The following DGKI variants were observed in gnomAD, a reference collection of about 807,000 sequenced individuals.
DGKI encodes DAG kinase iota.
In DGKI, 55 loss-of-function variants were observed where a neutral mutation model predicts 147.5. The ratio of observed to expected loss-of-function variants is 0.37; its 90% confidence interval spans 0.30 to 0.47. DGKI has a LOEUF of 0.47. Among genes scored for constraint, DGKI ranks in the 20% least tolerant of loss-of-function variants. The pLI, the probability that DGKI is intolerant of heterozygous loss-of-function variation, is 1.00. For synonymous variants in DGKI, 469 were observed against 477.1 expected, an observed-to-expected ratio of 0.98 and a Z score of 0.22; for missense variants, 1,007 against 1,323.8, an observed-to-expected ratio of 0.76 and a Z score of 3.71.
At chr7:137,456,354 A>G (rs756871499) in intron 27 of DGKI, among the ~76,000 whole-genome samples, 3 of 152,222 alleles carry the variant, frequency 2.0e-5, no homozygotes, top group Non-Finnish European at 4.4e-5. Flanking sequence ...TTATAATTTG[A>G]TAAGTACTGG....
intron 1 of DGKI, among the ~76,000 whole-genome samples, chr7:137,824,705 C>T (rs913875745): frequency 1.6e-4 from 24 of 152,098 alleles, no homozygotes; most frequent in Admixed American, 1.6e-3. Context: ...CCTCTCCCTC[C>T]TCCCCGCCTC....
intron 12 of DGKI, among the ~76,000 whole-genome samples, chr7:137,588,350 T>TAC (rs1330558066): frequency 1.3e-5 from 2 of 152,098 alleles, no homozygotes; most frequent in Non-Finnish European, 2.9e-5. Context: ...TATTGAACAC[T>TAC]ACTTCATATA....
chr7:137,550,561 C>T (rs1818011802), intron 20 of DGKI, among the ~76,000 whole-genome samples: 2 of 149,836 alleles, frequency 1.3e-5, no homozygotes, highest in South Asian at 4.2e-4. Flanking sequence ...ATCATGTGTG[C>T]CTTGAGTACA....
At chr7:137,680,373 A>C (rs1441959934) in intron 2 of DGKI, among the ~76,000 whole-genome samples, 1 of 152,234 alleles carries the variant, frequency 6.6e-6, no homozygotes, top group African/African-American at 2.4e-5. Context: ...TCTATAGAAT[A>C]ATCATGTAAT....
chr7:137,713,369 C>T (rs1794275723), intron 1 of DGKI, among the ~76,000 whole-genome samples: 3 of 152,082 alleles, frequency 2.0e-5, no homozygotes, highest in South Asian at 2.1e-4. Flanking sequence ...TCTACCTTAA[C>T]CACAGGGAAA....
chr7:137,665,044 G>C (rs370892738), intron 3 of DGKI, among the ~76,000 whole-genome samples: 14 of 152,216 alleles, frequency 9.2e-5, no homozygotes, highest in African/African-American at 3.4e-4. Flanking sequence ...GAGGCATGAG[G>C]ATGTCAGGAT....
intron 28 of DGKI, among the ~76,000 whole-genome samples, chr7:137,441,215 T>C (rs1317320383): frequency 6.6e-6 from 1 of 151,762 alleles, no homozygotes; most frequent in African/African-American, 2.4e-5. Flanking sequence ...GGTCAGGAGA[T>C]CGAGACCATC....
At chr7:137,829,013 G>A (rs759240566) in intron 1 of DGKI, among the ~76,000 whole-genome samples, 3 of 152,178 alleles carry the variant, frequency 2.0e-5, no homozygotes, top group Non-Finnish European at 4.4e-5. Flanking sequence ...AATTGCTGGA[G>A]AAGCAATAAT....
intron 6 of DGKI, among the ~76,000 whole-genome samples, chr7:137,625,943 T>C (rs979991687): frequency 6.6e-6 from 1 of 152,114 alleles, no homozygotes; most frequent in African/African-American, 2.4e-5. Context: ...AGTGCTTATG[T>C]GAAAAGGCCT....
chr7:137,551,242 ACT>A (rs1289451348), intron 20 of DGKI, among the ~76,000 whole-genome samples: 1 of 152,094 alleles, frequency 6.6e-6, no homozygotes, highest in Admixed American at 6.5e-5. Flanking sequence ...AAGCTGGAAC[ACT>A]CTGAGAGCAC....
intron 10 of DGKI, among the ~76,000 whole-genome samples, chr7:137,601,660 G>A (rs908711506): frequency 2.6e-5 from 4 of 152,214 alleles, no homozygotes; most frequent in African/African-American, 7.2e-5. Flanking sequence ...TAACAGTCAC[G>A]TATCTAGCAC....
rs960266572 is a variant in DGKI at position 137,403,850 on chromosome 7, A to AT, written c.2920+4024dup. Among the ~76,000 whole-genome samples the AT allele has an allele frequency of 5.1e-3, 772 of 150,438 alleles. 4 individuals are homozygous for AT. Among genetic ancestry groups the AT allele is most frequent in the African/African-American group, 0.017 (718 of 41,112 alleles). On this transcript the variant is annotated intron_variant, in intron 30 of 32. Coordinates refer to ENST00000614521, the MANE Select transcript of DGKI (RefSeq NM_001321708.2). ...GCATAGTGTAAAATTTTTATTTGTT[A>AT]TTTTTTTTTTCATTTACATGAATTC...
At chr7:137,769,677 C>T (rs1178625393) in intron 1 of DGKI, among the ~76,000 whole-genome samples, 1 of 152,132 alleles carries the variant, frequency 6.6e-6, no homozygotes, top group African/African-American at 2.4e-5. Flanking sequence ...TATGAACAGA[C>T]ACTTCTCAAA....
chr7:137,494,716 A>ACATG (rs1035636516), intron 21 of DGKI, among the ~76,000 whole-genome samples: 2 of 152,184 alleles, frequency 1.3e-5, no homozygotes, highest in Non-Finnish European at 2.9e-5. Context: ...CACTACAAAA[A>ACATG]CATGCCTAAA....
At chr7:137,451,734 T>C (rs1813967941) in intron 27 of DGKI, among the ~76,000 whole-genome samples, 1 of 152,236 alleles carries the variant, frequency 6.6e-6, no homozygotes, top group African/African-American at 2.4e-5. Flanking sequence ...GATATGTGCA[T>C]TTTCTTGGTA....
chr7:137,427,590 C>T (rs1336159431), intron 28 of DGKI, among the ~76,000 whole-genome samples: 1 of 151,996 alleles, frequency 6.6e-6, no homozygotes, highest in Non-Finnish European at 1.5e-5. Flanking sequence ...AAAAACCCTT[C>T]AAAAAATTAA....
intron 20 of DGKI, among the ~76,000 whole-genome samples, chr7:137,522,697 T>C (rs1817004863): frequency 6.6e-6 from 1 of 152,112 alleles, no homozygotes; most frequent in Non-Finnish European, 1.5e-5. Flanking sequence ...TGAACATCTA[T>C]TCACTCCCCA....
chr7:137,541,237 G>C (rs1817692331), intron 20 of DGKI, among the ~76,000 whole-genome samples: 1 of 152,210 alleles, frequency 6.6e-6, no homozygotes, highest in Non-Finnish European at 1.5e-5. Flanking sequence ...CTGTGTGTCT[G>C]TGTGTGCGTA....
intron 6 of DGKI, among the ~76,000 whole-genome samples, chr7:137,642,398 A>G (rs996862855): frequency 1.3e-5 from 2 of 152,162 alleles, no homozygotes; most frequent in African/African-American, 2.4e-5. Context: ...GCTTAGCTTG[A>G]CCACAGCTCT....
Sources: allele counts gnomAD v4.1 joint callset (sites outside exome capture counted in the v4.1 genomes callset), GRCh38; gene constraint gnomAD v4.1.1; transcripts MANE v1.5; gene names NCBI Gene and HGNC (gene_info 2026-07-23, HGNC 2026-07-21).